LHFPL3: variants seen among roughly 807,000 people sequenced by gnomAD.
LHFPL3 encodes the protein LHFPL tetraspan subfamily member 3 protein.
In LHFPL3, 5 loss-of-function variants were observed where a neutral mutation model predicts 19.3. That is an observed-to-expected ratio of 0.26 (90% confidence interval 0.14 to 0.54). The LOEUF (loss-of-function observed/expected upper bound fraction) is 0.54. LHFPL3 is among the 20% of genes least tolerant of loss of function. LHFPL3 has a pLI of 0.94. For synonymous variants in LHFPL3, 133 were observed against 126.2 expected, an observed-to-expected ratio of 1.05 and a Z score of -0.36; for missense variants, 249 against 307.4, an observed-to-expected ratio of 0.81 and a Z score of 1.42.
chr7:104,495,727 T>C (rs1404178923), intron 1 of LHFPL3, among the ~76,000 whole-genome samples: 1 of 152,098 alleles, frequency 6.6e-6, no homozygotes, highest in African/African-American at 2.4e-5. Context: ...CTCATTATGT[T>C]GCCCAGGCTG....
chr7:104,588,857 T>G lies in LHFPL3; in HGVS notation c.446-147818T>G, dbSNP rs557295795. ...CATCCCTTGTAAGTTGGATTCCTAG[T>G]TATTTTATTCTCTCTGAAGCAATTG... is the stretch of plus-strand genomic sequence containing the variant. On this transcript the variant is annotated intron_variant, in intron 1 of 2. Transcript: ENST00000424859. Among the ~76,000 whole-genome samples the G allele has an allele frequency of 3.6e-4, 55 of 152,264 alleles. No individual in the cohort carries two copies. The East Asian group carries it at 9.5e-3, about 26-fold the overall frequency.
intron 1 of LHFPL3, among the ~76,000 whole-genome samples, chr7:104,363,276 A>G (rs1168411602): frequency 6.6e-6 from 1 of 152,240 alleles, no homozygotes; most frequent in Non-Finnish European, 1.5e-5. Context: ...GCAATCTTTC[A>G]CTGTCATAAT....
chr7:104,554,109 A>C (rs942349491), intron 1 of LHFPL3, among the ~76,000 whole-genome samples: 9 of 152,156 alleles, frequency 5.9e-5, no homozygotes, highest in African/African-American at 2.2e-4. Flanking sequence ...TCAATATTAA[A>C]ATGAATCATC....
intron 1 of LHFPL3, among the ~76,000 whole-genome samples, chr7:104,671,806 T>C (rs887054079): frequency 2.0e-5 from 3 of 152,184 alleles, no homozygotes; most frequent in Non-Finnish European, 4.4e-5. Flanking sequence ...ATTCATTATT[T>C]GATATATTCC....
chr7:104,470,181 C>G, intron 1 of LHFPL3: 1 of 402,242 alleles, frequency 2.5e-6, no homozygotes, highest in Admixed American at 2.8e-5. Flanking sequence ...GATCTGGCCA[C>G]ATATTTTCAA....
rs1584441195 is a variant in LHFPL3 at position 104,615,984 on chromosome 7, G to C, written c.446-120691G>C. ...TACAAACCACTGCTCAAGGAAATAA[G>C]AGAGGACACAAACCAATGGAAAAAC... is the stretch of plus-strand genomic sequence containing the variant. On this transcript the variant is annotated intron_variant, in intron 1 of 2. Coordinates refer to ENST00000424859, the MANE Select transcript of LHFPL3 (RefSeq NM_199000.3). Among the ~76,000 whole-genome samples, 5 of 152,100 alleles carry C rather than the reference G, an allele frequency of 3.3e-5. No homozygotes were observed. The South Asian group carries it at 1.0e-3, about 32-fold the overall frequency.
chr7:104,888,079 T>C (rs1259899207), intron 2 of LHFPL3, among the ~76,000 whole-genome samples: 1 of 152,218 alleles, frequency 6.6e-6, no homozygotes, highest in Non-Finnish European at 1.5e-5. Context: ...GTGTCTACTC[T>C]TTCCAAAATC....
intron 1 of LHFPL3, among the ~76,000 whole-genome samples, chr7:104,563,391 G>A (rs200554293): frequency 3.9e-5 from 6 of 152,256 alleles, no homozygotes; most frequent in East Asian, 1.9e-4. Flanking sequence ...GTGGTGCACC[G>A]TTTTTTAAGC....
intron 1 of LHFPL3, among the ~76,000 whole-genome samples, chr7:104,516,939 T>C (rs1028576472): frequency 3.3e-5 from 5 of 152,162 alleles, no homozygotes; most frequent in African/African-American, 1.2e-4. Flanking sequence ...ATATGATACA[T>C]ATACACCATG....
intron 1 of LHFPL3, among the ~76,000 whole-genome samples, chr7:104,678,030 C>G (rs1273522076): frequency 2.0e-5 from 3 of 152,174 alleles, no homozygotes; most frequent in Admixed American, 6.5e-5. Flanking sequence ...TACACAAGAT[C>G]TGAGACAATC....
At chr7:104,361,958 A>G (rs954963246) in intron 1 of LHFPL3, among the ~76,000 whole-genome samples, 6 of 152,186 alleles carry the variant, frequency 3.9e-5, no homozygotes, top group African/African-American at 1.2e-4. Context: ...CCTCTTTTAA[A>G]GGGTTGGCAT....
chr7:104,589,304 G>A (rs1737226460), intron 1 of LHFPL3, among the ~76,000 whole-genome samples: 1 of 152,144 alleles, frequency 6.6e-6, no homozygotes, highest in African/African-American at 2.4e-5. Flanking sequence ...CTAGTTTATT[G>A]AGAGTTTTTA....
chr7:104,587,672 C>G (rs1322229855), intron 1 of LHFPL3, among the ~76,000 whole-genome samples: 1 of 151,938 alleles, frequency 6.6e-6, no homozygotes, highest in African/African-American at 2.4e-5. Flanking sequence ...ATTTCTAGTT[C>G]TAGATCCCTG....
At chr7:104,358,559 G>T (rs189387251) in intron 1 of LHFPL3, among the ~76,000 whole-genome samples, 55 of 152,180 alleles carry the variant, frequency 3.6e-4, no homozygotes, top group Non-Finnish European at 6.3e-4. Context: ...AGCTTATAAC[G>T]TGAGAGCATA....
At chr7:104,783,222 A>G (rs573480387) in intron 2 of LHFPL3, among the ~76,000 whole-genome samples, 1 of 152,366 alleles carries the variant, frequency 6.6e-6, no homozygotes, top group East Asian at 1.9e-4. Flanking sequence ...CATTTCCTCC[A>G]GGAAGCTTTC....
At chr7:104,664,351 T>A (rs1228625431) in intron 1 of LHFPL3, among the ~76,000 whole-genome samples, 1 of 152,190 alleles carries the variant, frequency 6.6e-6, no homozygotes, top group Non-Finnish European at 1.5e-5. Flanking sequence ...TTTGAATACA[T>A]GCTAAAATAA....
intron 1 of LHFPL3, among the ~76,000 whole-genome samples, chr7:104,619,600 A>G (rs563053864): frequency 1.3e-5 from 2 of 152,160 alleles, no homozygotes; most frequent in East Asian, 1.9e-4. Context: ...TGAAGTATCA[A>G]TTCTCAAATA....
At chr7:104,813,990 G>A (rs1402217368) in intron 2 of LHFPL3, among the ~76,000 whole-genome samples, 1 of 152,172 alleles carries the variant, frequency 6.6e-6, no homozygotes, top group Non-Finnish European at 1.5e-5. Context: ...ACCATTCAGT[G>A]GGTCCCAAGT....
At chr7:104,637,820 C>T (rs1461669488) in intron 1 of LHFPL3, among the ~76,000 whole-genome samples, 1 of 133,110 alleles carries the variant, frequency 7.5e-6, no homozygotes, top group Non-Finnish European at 1.5e-5. Flanking sequence ...AATGTGATGC[C>T]TCCAGCTTTT....
Sources: allele counts gnomAD v4.1 joint callset (sites outside exome capture counted in the v4.1 genomes callset), GRCh38; gene constraint gnomAD v4.1.1; transcripts MANE v1.5; gene names NCBI Gene and HGNC (gene_info 2026-07-23, HGNC 2026-07-21).